Variants in KIF3C observed in about 807,000 individuals in gnomAD.
The protein encoded by KIF3C is kinesin family member 3C.
A neutral mutation model predicts 67.7 loss-of-function variants in KIF3C; 12 were observed. That is an observed-to-expected ratio of 0.18 (90% CI 0.11 to 0.29). KIF3C has a LOEUF of 0.29. Among genes scored for constraint, KIF3C ranks in the 10% least tolerant of loss-of-function variants. The pLI is 1.00. For synonymous variants in KIF3C, 393 were observed against 426.2 expected (o/e 0.92, Z 0.96); for missense variants, 789 against 1,059.6 (o/e 0.74, Z 3.55).
intron 1 of KIF3C, among the ~76,000 whole-genome samples, chr2:25,976,402 A>G (rs1664416410): frequency 6.6e-6 from 1 of 152,144 alleles, no homozygotes; most frequent in Non-Finnish European, 1.5e-5. Flanking sequence ...CTGTACACAA[A>G]CACTCTTTTT....
intron 6 of KIF3C, 113 bp from the exon 7 acceptor site, chr2:25,929,590 G>A: frequency 1.2e-6 from 1 of 831,272 alleles, no homozygotes; most frequent in East Asian, 2.5e-5. Flanking sequence ...GGAAGCAGAG[G>A]CTGTGAGCAT....
At chr2:25,959,681 C>T (rs544692497) in intron 1 of KIF3C, among the ~76,000 whole-genome samples, 1 of 152,206 alleles carries the variant, frequency 6.6e-6, no homozygotes, top group African/African-American at 2.4e-5. Context: ...CTCAAGTGAT[C>T]CGCCTGCCTC....
intron 5 of KIF3C, among the ~76,000 whole-genome samples, chr2:25,936,588 T>A (rs1663139415): frequency 6.6e-6 from 1 of 152,224 alleles, no homozygotes; most frequent in Non-Finnish European, 1.5e-5. Flanking sequence ...AGAATGCTGC[T>A]GTGAACATTT....
chr2:25,942,203 C>G (rs1274610455), intron 5 of KIF3C, among the ~76,000 whole-genome samples: 1 of 149,252 alleles, frequency 6.7e-6, no homozygotes, highest in East Asian at 2.1e-4. Flanking sequence ...ACTAAAAATA[C>G]AAAAATTAGC....
chr2:25,981,687 G>A lies in KIF3C; in HGVS notation c.231C>T (p.Thr77=), dbSNP rs781407504. Residue 77 remains threonine, a synonymous_variant, in exon 1 of 8, where the codon ACC becomes ACT. Coordinates refer to ENST00000264712, the MANE Select transcript of KIF3C (RefSeq NM_002254.8). This position sits in a 1 kb window ranked among gnomAD's most constrained non-coding sequence, Gnocchi z 8.2. The stretch of plus-strand genomic sequence containing the variant: ...GCACGGAGTCTATCAGGGGCCTCAC[G>A]GTTTCGTCATACAGGTCGGCCTGCT... ...SSKQADLYDE[T]VRPLIDSVLQ... is the part of the protein sequence containing the mutation. 9 of 1,613,942 alleles carry A rather than the reference G, an allele frequency of 5.6e-6. No homozygotes were observed. Among genetic ancestry groups the A allele is most frequent in the Middle Eastern group, 1.6e-4 (1 of 6,084 alleles).
intron 1 of KIF3C, among the ~76,000 whole-genome samples, chr2:25,970,823 G>A (rs1280651311): frequency 6.6e-6 from 1 of 151,922 alleles, no homozygotes; most frequent in Non-Finnish European, 1.5e-5. Context: ...ATTAGCTAGT[G>A]CTATAGAAAT....
At chr2:25,964,008 AT>A (rs1664077324) in intron 1 of KIF3C, among the ~76,000 whole-genome samples, 1 of 152,102 alleles carries the variant, frequency 6.6e-6, no homozygotes, top group Admixed American at 6.6e-5. Context: ...AAGTATTATT[AT>A]TTTAAAAATT....
At position 25,955,648 on chromosome 2, in the gene KIF3C, C is replaced by G. The variant is rs1236448523; in HGVS notation, c.1663G>C (p.Glu555Gln). The G allele has an allele frequency of 1.2e-6, 2 of 1,614,176 alleles. No homozygotes were observed. The highest frequency in any genetic ancestry group is 1.7e-6 in the Non-Finnish European group (2 of 1,180,002). The part of the protein sequence containing the change: ...EIAEQKRRER[E>Q]MQQEMMLRDE... ...CGGAGCATCATCTCCTGCTGCATCT[C>G]CCGCTCACGACGTTTCTAGGCCAAG... Residue 555 changes from glutamate to glutamine, a missense_variant, in exon 3 of 8, where the codon GAG (glutamate) becomes CAG (glutamine). Transcript: ENST00000264712. This position sits in a 1 kb window ranked among gnomAD's most constrained non-coding sequence, Gnocchi z 5.0.
At chr2:25,935,445 C>T (rs141483829) in intron 5 of KIF3C, among the ~76,000 whole-genome samples, 1 of 152,000 alleles carries the variant, frequency 6.6e-6, no homozygotes, top group African/African-American at 2.4e-5. Flanking sequence ...TAGCTCACTG[C>T]AGCCTCAAAT....
chr2:25,974,493 G>T (rs114498594), intron 1 of KIF3C, among the ~76,000 whole-genome samples: 8,575 of 152,158 alleles, frequency 0.056, 321 homozygotes, highest in Middle Eastern at 0.088. Context: ...GAGCCACTGC[G>T]CCTGGCCCTT....
intron 1 of KIF3C, among the ~76,000 whole-genome samples, chr2:25,970,381 C>T (rs577068534): frequency 6.6e-6 from 1 of 152,094 alleles, no homozygotes; most frequent in East Asian, 1.9e-4. Flanking sequence ...CATCAGAACA[C>T]ATCAGGCCGG....
At chr2:25,952,525 A>ATGTGTG (rs35756626) in intron 4 of KIF3C, among the ~76,000 whole-genome samples, 1 of 144,460 alleles carries the variant, frequency 6.9e-6, no homozygotes, top group African/African-American at 2.6e-5. Context: ...TTGTATATAT[A>ATGTGTG]TGTGTGTGTG....
At chr2:25,961,132 G>A (rs1316369232) in intron 1 of KIF3C, among the ~76,000 whole-genome samples, 1 of 152,206 alleles carries the variant, frequency 6.6e-6, no homozygotes. Flanking sequence ...TTCAGAATGG[G>A]ACGGAATAGG....
intron 5 of KIF3C, among the ~76,000 whole-genome samples, chr2:25,941,273 C>T (rs765099166): frequency 1.1e-4 from 16 of 151,836 alleles, no homozygotes; most frequent in Non-Finnish European, 2.4e-4. Context: ...CACTGCATTC[C>T]AGCCTGGGCA....
rs1008003686 is a variant in KIF3C at position 25,927,978 on chromosome 2, G to C, written c.*1000C>G. On this transcript the variant is annotated 3_prime_UTR_variant, in exon 8 of 8. Coordinates refer to ENST00000264712, the MANE Select transcript of KIF3C (RefSeq NM_002254.8). ...GCAAAGCTGGAAAAGATTGTGCCTG[G>C]GCTTCTGTTTCCTGTGACAGATGAA... 5.9e-5 allele frequency: 9 copies of C among 152,648 alleles called. No individual in the cohort carries two copies. The highest frequency in any genetic ancestry group is 1.7e-4 in the African/African-American group (7 of 41,542). 9.5% of individuals were successfully genotyped at this position (152,648 alleles called of 1,614,324 possible).
rs144472797 is a variant in KIF3C at position 25,942,700 on chromosome 2, G to A, written c.2006+9089C>T. Among the ~76,000 whole-genome samples, 742 of 152,216 alleles carry A rather than the reference G, an allele frequency of 4.9e-3. 10 individuals carry two copies. The highest frequency in any genetic ancestry group is 0.017 in the African/African-American group (700 of 41,540). ...GCTGGGATTACAGGCGTGAGCCACC[G>A]CGCCAGTGCAAAAATGTTTTTTAAA... On this transcript the variant is annotated intron_variant, in intron 5 of 7. Coordinates refer to ENST00000264712, the MANE Select transcript of KIF3C (RefSeq NM_002254.8).
At chr2:25,943,201 G>A (rs1016368249) in intron 5 of KIF3C, among the ~76,000 whole-genome samples, 2 of 152,140 alleles carry the variant, frequency 1.3e-5, no homozygotes, top group African/African-American at 2.4e-5. Flanking sequence ...TAAGTGATGC[G>A]GCAAGTGGTG....
At position 25,980,719 on chromosome 2, in the gene KIF3C, A is replaced by C; in HGVS notation, c.1199T>G (p.Leu400Arg). ...GCTCTTCCTCCGGGGCCGCTTCCCC[A>C]GCATCCCCCTCTTCTCCAGCTGGGC... is the stretch of plus-strand genomic sequence containing the variant. Reference protein sequence around the residue: ...LKAQLEKRGMLGKRPRRKSSR... With the variant: ...LKAQLEKRGMRGKRPRRKSSR... The change falls in exon 1 of 8, where the codon CTG becomes CGG. Residue 400 changes from leucine (L) to arginine (R), a missense_variant. Coordinates refer to ENST00000264712, the MANE Select transcript of KIF3C (RefSeq NM_002254.8). This position sits in a 1 kb window ranked among gnomAD's most constrained non-coding sequence, Gnocchi z 7.6. 6.2e-7 allele frequency: 1 copy of C among 1,614,070 alleles called. No individual in the cohort carries two copies. The highest frequency in any genetic ancestry group is 8.5e-7 in the Non-Finnish European group (1 of 1,179,964).
In KIF3C at chr2:25,955,445, C is replaced by A; in HGVS notation, c.1770+96G>T. On this transcript the variant is annotated intron_variant, in intron 3 of 7. Coordinates refer to ENST00000264712, the MANE Select transcript of KIF3C (RefSeq NM_002254.8). This position sits in a 1 kb window ranked among gnomAD's most constrained non-coding sequence, Gnocchi z 5.0. ...ATGTCACTCAGGGGTTCAGCAGTTC[C>A]AGCCAAATGGGGAGGAGTCCCTGAA... 2 of 1,485,628 alleles carry A rather than the reference C, an allele frequency of 1.3e-6. No homozygotes were observed. The highest frequency in any genetic ancestry group is 1.8e-6 in the Non-Finnish European group (2 of 1,087,212). 92.0% of individuals were successfully genotyped at this position (1,485,628 alleles called of 1,614,324 possible). A position where few individuals can be genotyped will look rare whatever the true frequency, so the allele number is the denominator to read the frequency against.
Sources: gnomAD v4.1 joint callset for allele counts (sites outside exome capture counted in the v4.1 genomes callset) on GRCh38, gnomAD v4.1.1 for gene constraint, Gnocchi (gnomAD v3.1) non-coding constraint, MANE v1.5 for transcripts, NCBI Gene and HGNC (gene_info 2026-07-23, HGNC 2026-07-21) for gene names.